The following PIK3C2G variants were observed in gnomAD, a reference collection of about 807,000 sequenced individuals.
PIK3C2G encodes the protein phosphatidylinositol-4-phosphate 3-kinase catalytic subunit type 2 gamma, also known as phosphatidylinositol 3-kinase C2 domain-containing subunit gamma.
PIK3C2G carries 168 observed loss-of-function variants against 181.1 expected under a neutral mutation model. The observed-to-expected ratio is 0.93, with a 90% CI of 0.82 to 1.05. The LOEUF is 1.05. Ranked by LOEUF, PIK3C2G falls within the 50% of genes least tolerant of loss-of-function variation. The pLI is 0.00. For missense variants in PIK3C2G, 1,869 were observed against 1,732.8 expected, an observed-to-expected ratio of 1.08 and a Z score of -1.40; for synonymous variants, 573 against 592.2, an observed-to-expected ratio of 0.97 and a Z score of 0.47.
intron 12 of PIK3C2G, among the ~76,000 whole-genome samples, chr12:18,364,029 T>C (rs1447769811): frequency 6.6e-6 from 1 of 152,204 alleles, no homozygotes; most frequent in Non-Finnish European, 1.5e-5. Context: ...TCAGTAGCTC[T>C]CCAATTCTTA....
intron 29 of PIK3C2G, 84 bp from the exon 30 acceptor site, chr12:18,594,410 T>G (rs1947243889): frequency 1.4e-6 from 1 of 724,594 alleles, no homozygotes; most frequent in Non-Finnish European, 2.2e-6. Context: ...TTTAAAATGA[T>G]ATATATGGCA....
intron 12 of PIK3C2G, 165 bp downstream of exon 12, chr12:18,363,051 A>G: frequency 2.0e-6 from 1 of 493,934 alleles, no homozygotes. Flanking sequence ...TGATTGTTCA[A>G]TTCAACAGAT....
chr12:18,638,951 CAAAAAA>C (rs779064940), intron 31 of PIK3C2G, among the ~76,000 whole-genome samples: 4 of 97,600 alleles, frequency 4.1e-5, no homozygotes, highest in African/African-American at 1.1e-4. Flanking sequence ...CTCTTCTCAC[CAAAAAA>C]AAAAAAAAAA....
At chr12:18,277,924 G>A (rs986397356) in intron 1 of PIK3C2G, among the ~76,000 whole-genome samples, 1 of 152,118 alleles carries the variant, frequency 6.6e-6, no homozygotes, top group African/African-American at 2.4e-5. Flanking sequence ...ATAAGCAACT[G>A]TGGTACACTA....
At chr12:18,378,879 GA>G (rs2137941679) in intron 13 of PIK3C2G, among the ~76,000 whole-genome samples, 1 of 152,266 alleles carries the variant, frequency 6.6e-6, no homozygotes, top group Admixed American at 6.5e-5. Context: ...TGCTGGAGAG[GA>G]AGTGGAGAAA....
chr12:18,548,477 A>G (rs1313128637), intron 26 of PIK3C2G, among the ~76,000 whole-genome samples: 1 of 151,980 alleles, frequency 6.6e-6, no homozygotes, highest in Non-Finnish European at 1.5e-5. Context: ...ATCTCTCCCT[A>G]TCCCTCTACT....
chr12:18,391,072 TG>T, intron 14 of PIK3C2G, 49 bp from the exon 15 acceptor site: 1 of 1,412,314 alleles, frequency 7.1e-7, no homozygotes, highest in Non-Finnish European at 9.5e-7. Flanking sequence ...AAATCAATAA[TG>T]TATTTTGAGA....
At chr12:18,700,892 G>C in the PIK3C2G span, among the ~76,000 whole-genome samples, 2 of 151,858 alleles carry the variant, frequency 1.3e-5, no homozygotes, top group East Asian at 3.9e-4. Context: ...CTTTACTTGG[G>C]ACCAGGGAAA....
chr12:18,538,304 C>A lies in PIK3C2G; in HGVS notation c.3472C>A (p.Leu1158Met), dbSNP rs772546546. ...GCACAGCCAACTGCTCTTGAACCTG[C>A]TGGAAATGGTAAGTCCCTTGGGAAA... ...RKHSQLLLNL[L>M]EMMLYAGLPE... Residue 1158 changes from leucine to methionine, a missense_variant, in exon 25 of 33, where the codon CTG becomes ATG. Leu to Met is a conservative substitution (Grantham distance 15, BLOSUM62 2). Transcript: ENST00000538779. The A allele has an allele frequency of 6.3e-7, 1 of 1,599,104 alleles. No homozygotes were observed. The highest frequency in any genetic ancestry group is 2.2e-5 in the East Asian group (1 of 44,608).
chr12:18,325,187 G>T (rs1951284033), intron 8 of PIK3C2G, 89 bp downstream of exon 8: 5 of 614,344 alleles, frequency 8.1e-6, no homozygotes, highest in Admixed American at 3.3e-5. Flanking sequence ...TTTTGAAGAT[G>T]ACAAAAATGA....
chr12:18,457,254 A>C (rs909501440), intron 18 of PIK3C2G, among the ~76,000 whole-genome samples: 1 of 152,172 alleles, frequency 6.6e-6, no homozygotes, highest in Non-Finnish European at 1.5e-5. Flanking sequence ...GAGAATAGTT[A>C]AGTGCTTTCC....
chr12:18,355,118 G>A (rs2137734635), intron 11 of PIK3C2G, among the ~76,000 whole-genome samples: 1 of 152,340 alleles, frequency 6.6e-6, no homozygotes, highest in Admixed American at 6.5e-5. Context: ...AGCAGAAATT[G>A]TCCTGCCCAT....
intron 22 of PIK3C2G, among the ~76,000 whole-genome samples, chr12:18,501,316 A>G (rs978873878): frequency 2.6e-5 from 4 of 152,158 alleles, no homozygotes; most frequent in African/African-American, 9.7e-5. Context: ...GGCAGGAAAA[A>G]AAGGGGGAGA....
chr12:18,607,186 A>C (rs539841618), intron 30 of PIK3C2G: 1 of 516,500 alleles, frequency 1.9e-6, no homozygotes, highest in East Asian at 5.5e-5. Flanking sequence ...GAAAGGTAGA[A>C]GTTCAATAGA....
intron 28 of PIK3C2G, among the ~76,000 whole-genome samples, chr12:18,565,974 C>T (rs1185180144): frequency 6.6e-6 from 1 of 151,992 alleles, no homozygotes; most frequent in African/African-American, 2.4e-5. Flanking sequence ...ATCTTCTATG[C>T]TATATGCTCA....
intron 10 of PIK3C2G, 106 bp downstream of exon 10, chr12:18,343,466 AACACACAC>A (rs61320852): frequency 1.4e-5 from 7 of 495,410 alleles, no homozygotes; most frequent in Admixed American, 3.6e-5. Flanking sequence ...GGTAACACAC[AACACACAC>A]ACACACACAC....
At position 18,420,997 on chromosome 12, in the gene PIK3C2G, A is replaced by G; in HGVS notation, c.2372A>G (p.Asn791Ser). The G allele has an allele frequency of 6.2e-7, 1 of 1,605,094 alleles. No homozygotes were observed. Among genetic ancestry groups the G allele is most frequent in the Non-Finnish European group, 8.5e-7 (1 of 1,172,268 alleles). Residue 791 changes from asparagine (N) to serine (S), a missense_variant, in exon 17 of 33, where the codon AAT becomes AGT. Asn to Ser is a conservative substitution (Grantham distance 46). Transcript: ENST00000538779. ...GTTCAACAATTAGACAACCTCTTGA[A>G]TGATGAACTACTGGAATATCTCCCA... ...VAVQQLDNLL[N>S]DELLEYLPQL...
intron 11 of PIK3C2G, among the ~76,000 whole-genome samples, chr12:18,349,963 AT>A (rs1940068598): frequency 6.6e-6 from 1 of 152,180 alleles, no homozygotes; most frequent in South Asian, 2.1e-4. Context: ...AAATTGTTAC[AT>A]GGGTCTCGAC....
chr12:18,592,421 A>G (rs1357305704), intron 29 of PIK3C2G, among the ~76,000 whole-genome samples: 1 of 151,956 alleles, frequency 6.6e-6, no homozygotes, highest in Non-Finnish European at 1.5e-5. Context: ...TGGAATAGCT[A>G]TATCATGACA....
Sources: allele counts gnomAD v4.1 joint callset (sites outside exome capture counted in the v4.1 genomes callset), GRCh38; gene constraint gnomAD v4.1.1; transcripts MANE v1.5; gene names NCBI Gene and HGNC (gene_info 2026-07-23, HGNC 2026-07-21).